Variants in NAV3 observed in about 807,000 individuals in gnomAD.
The protein encoded by NAV3 is neuron navigator 3.
NAV3 carries 87 observed loss-of-function variants against 244.7 expected under a neutral mutation model. The ratio of observed to expected loss-of-function variants is 0.36; its 90% CI spans 0.30 to 0.42. The LOEUF (loss-of-function observed/expected upper bound fraction) is 0.42. Ranked by LOEUF, NAV3 falls within the 20% of genes least tolerant of loss-of-function variation. The pLI, the probability that NAV3 is intolerant of heterozygous loss-of-function variation, is 1.00. For missense variants in NAV3, 2,663 were observed against 2,893.3 expected, an observed-to-expected ratio of 0.92 and a Z score of 1.83; for synonymous variants, 1,126 against 1,042.2, an observed-to-expected ratio of 1.08 and a Z score of -1.55.
intron 5 of NAV3, among the ~76,000 whole-genome samples, chr12:77,994,017 A>G (rs1871896287): frequency 2.2e-5 from 2 of 91,240 alleles, no homozygotes. Flanking sequence ...AACTTAATGT[A>G]TAAATGTGCA....
chr12:77,872,787 GTTTA>G (rs1417031526), intron 1 of NAV3, among the ~76,000 whole-genome samples: 2 of 152,100 alleles, frequency 1.3e-5, no homozygotes, highest in Non-Finnish European at 2.9e-5. Context: ...ATGAGGAGCT[GTTTA>G]TTTATGTCAT....
At chr12:77,982,859 A>T (rs1048982568) in intron 5 of NAV3, among the ~76,000 whole-genome samples, 5 of 152,178 alleles carry the variant, frequency 3.3e-5, no homozygotes, top group African/African-American at 1.2e-4. Flanking sequence ...TAGCAGCTTA[A>T]CTGAAATTCA....
intron 12 of NAV3, among the ~76,000 whole-genome samples, chr12:78,116,386 G>A (rs1189858981): frequency 6.6e-6 from 1 of 152,088 alleles, no homozygotes; most frequent in African/African-American, 2.4e-5. Flanking sequence ...ACAAGTTTTG[G>A]ATTTTTAGAA....
chr12:78,020,344 A>T (rs888136526), intron 8 of NAV3, among the ~76,000 whole-genome samples: 1 of 152,296 alleles, frequency 6.6e-6, no homozygotes, highest in Middle Eastern at 3.4e-3. Context: ...TTTTAAATTT[A>T]GCTACTTTGA....
chr12:78,049,956 T>C (rs1882486192), intron 9 of NAV3, 37 bp from the exon 10 acceptor site: 3 of 1,447,834 alleles, frequency 2.1e-6, no homozygotes, highest in South Asian at 2.4e-5. Context: ...GGATACTAAA[T>C]GTCATGAATA....
At chr12:78,003,937 A>G (rs779942604) in intron 7 of NAV3, among the ~76,000 whole-genome samples, 3 of 152,208 alleles carry the variant, frequency 2.0e-5, no homozygotes, top group Non-Finnish European at 4.4e-5. Flanking sequence ...TATCCTGCTC[A>G]CCAAGGAAGA....
upstream of NAV3, among the ~76,000 whole-genome samples, chr12:77,827,255 A>AC: frequency 6.6e-6 from 1 of 151,408 alleles, no homozygotes; most frequent in Non-Finnish European, 1.5e-5. Context: ...AAAAAAAAAA[A>AC]AAAAAAGTAA....
intron 2 of NAV3, among the ~76,000 whole-genome samples, chr12:77,602,229 A>G (rs1290576828): frequency 6.6e-6 from 1 of 151,964 alleles, no homozygotes; most frequent in Non-Finnish European, 1.5e-5. Context: ...CTGGATGGCA[A>G]TGTACCCAGC....
chr12:77,956,725 CTTATTTATTTAT>C (rs111942943), intron 3 of NAV3, among the ~76,000 whole-genome samples: 8 of 149,596 alleles, frequency 5.3e-5, no homozygotes, highest in Admixed American at 1.3e-4. Context: ...TAAAATCCAA[CTTATTTATTTAT>C]TTATTTATTT....
At chr12:77,700,351 G>A (rs1875505083) in intron 2 of NAV3, among the ~76,000 whole-genome samples, 1 of 152,130 alleles carries the variant, frequency 6.6e-6, no homozygotes, top group African/African-American at 2.4e-5. Context: ...AGGAGAGTTT[G>A]TGAGCAGTTG....
intron 2 of NAV3, among the ~76,000 whole-genome samples, chr12:77,634,966 T>A (rs1036502472): frequency 1.3e-5 from 2 of 152,166 alleles, no homozygotes; most frequent in East Asian, 3.9e-4. Flanking sequence ...TGGTGGCTCA[T>A]GCCTGTAATC....
At chr12:77,913,085 T>C (rs952924198) in intron 1 of NAV3, among the ~76,000 whole-genome samples, 4 of 151,998 alleles carry the variant, frequency 2.6e-5, no homozygotes, top group Non-Finnish European at 4.4e-5. Flanking sequence ...ATGAAAAAAA[T>C]GCATGGTGAA....
At chr12:77,640,050 G>A (rs995991522) in intron 2 of NAV3, among the ~76,000 whole-genome samples, 2 of 152,132 alleles carry the variant, frequency 1.3e-5, no homozygotes, top group Non-Finnish European at 2.9e-5. Flanking sequence ...CTTAGATCCA[G>A]ATCTTAGAGA....
intron 1 of NAV3, among the ~76,000 whole-genome samples, chr12:77,892,616 G>T (rs1170599978): frequency 6.6e-6 from 1 of 151,918 alleles, no homozygotes; most frequent in East Asian, 1.9e-4. Context: ...GGGGTTTCAC[G>T]GTGTTAGCCG....
At chr12:77,638,997 T>C (rs1054825620) in intron 2 of NAV3, among the ~76,000 whole-genome samples, 3 of 152,260 alleles carry the variant, frequency 2.0e-5, no homozygotes, top group East Asian at 1.9e-4. Flanking sequence ...TTAAAGATCA[T>C]AGGGGTAATG....
intron 1 of NAV3, among the ~76,000 whole-genome samples, chr12:77,912,908 T>C (rs112202704): frequency 3.3e-5 from 5 of 152,116 alleles, no homozygotes; most frequent in Admixed American, 1.3e-4. Flanking sequence ...CATGCCGTTT[T>C]ACATGCATTT....
intron 16 of NAV3, among the ~76,000 whole-genome samples, chr12:78,123,474 C>T (rs1000890302): frequency 5.3e-5 from 8 of 151,960 alleles, no homozygotes; most frequent in South Asian, 2.1e-4. Flanking sequence ...CTCTGCATTA[C>T]GCCAGTTTCC....
chr12:78,026,478 G>A (rs1044281428), intron 9 of NAV3, among the ~76,000 whole-genome samples: 2 of 152,056 alleles, frequency 1.3e-5, no homozygotes, highest in African/African-American at 2.4e-5. Flanking sequence ...CACACCTGAT[G>A]TCCTGATATT....
At chr12:77,996,531 T>A (rs1872370984) in intron 6 of NAV3, among the ~76,000 whole-genome samples, 1 of 152,196 alleles carries the variant, frequency 6.6e-6, no homozygotes, top group South Asian at 2.1e-4. Flanking sequence ...TTCTAAGAAA[T>A]CAACAGTTTT....
Sources: gnomAD v4.1 joint callset for allele counts (sites outside exome capture counted in the v4.1 genomes callset) on GRCh38, gnomAD v4.1.1 for gene constraint, MANE v1.5 for transcripts, NCBI Gene and HGNC (gene_info 2026-07-23, HGNC 2026-07-21) for gene names.